Variants in DOCK3 observed in about 807,000 individuals in gnomAD.
The protein encoded by DOCK3 is dedicator of cytokinesis 3.
In DOCK3, 60 loss-of-function variants were observed where a neutral mutation model predicts 265.6. The observed-to-expected ratio is 0.23, with a 90% confidence interval of 0.18 to 0.28. DOCK3 has a LOEUF of 0.28. DOCK3 is among the 10% of genes least tolerant of loss of function. The pLI is 1.00. For missense variants in DOCK3, 1,981 were observed against 2,594.3 expected (o/e 0.76, Z 5.14); for synonymous variants, 881 against 938.0 (o/e 0.94, Z 1.11).
At chr3:51,061,372 C>T (rs188378161) in intron 5 of DOCK3, among the ~76,000 whole-genome samples, 2 of 152,218 alleles carry the variant, frequency 1.3e-5, no homozygotes, top group Admixed American at 6.5e-5. Context: ...CCATTGAATA[C>T]AATGCAGCCA....
chr3:51,346,306 CAGGCCCTG>C (rs2085567528), intron 38 of DOCK3, among the ~76,000 whole-genome samples: 1 of 150,184 alleles, frequency 6.7e-6, no homozygotes. Context: ...CACCCCACGA[CAGGCCCTG>C]GTGTGTGATG....
chr3:50,736,099 G>T (rs936289103), intron 1 of DOCK3, among the ~76,000 whole-genome samples: 6 of 152,014 alleles, frequency 3.9e-5, no homozygotes, highest in African/African-American at 1.4e-4. Flanking sequence ...CCTTTCCTGT[G>T]TCCAAGTGTT....
intron 5 of DOCK3, among the ~76,000 whole-genome samples, chr3:50,982,105 TC>T (rs1457989978): frequency 6.6e-6 from 1 of 152,154 alleles, no homozygotes; most frequent in African/African-American, 2.4e-5. Context: ...TGCCTCTGCC[TC>T]CCAAAGTGCT....
chr3:50,782,322 G>T (rs1172874501), intron 2 of DOCK3, among the ~76,000 whole-genome samples: 1 of 115,482 alleles, frequency 8.7e-6, no homozygotes, highest in African/African-American at 3.4e-5. Flanking sequence ...ACGGAGTCTC[G>T]CTCTGTCGCC....
chr3:51,379,786 A>T (rs1302903207), intron 51 of DOCK3, among the ~76,000 whole-genome samples: 1 of 152,248 alleles, frequency 6.6e-6, no homozygotes, highest in Non-Finnish European at 1.5e-5. Context: ...CATCCCAACC[A>T]GAAGGCTGAA....
At position 51,230,368 on chromosome 3, in the gene DOCK3, G is replaced by A. The variant is rs191575179; in HGVS notation, c.1917+759G>A. Among the ~76,000 whole-genome samples the A allele has an allele frequency of 7.2e-5, 11 of 152,250 alleles. No homozygotes were observed. In the East Asian group the frequency reaches 2.1e-3, roughly 29 times the overall value. On this transcript the variant is annotated intron_variant, in intron 19 of 52. Coordinates refer to ENST00000266037, the MANE Select transcript of DOCK3 (RefSeq NM_004947.5). ...TCCCAGTTACAAGTGAGAACATGCA[G>A]TATTTGGTTTTTCTGTTCTTGCTAG...
At chr3:51,090,004 T>C (rs1383464399) in intron 8 of DOCK3, among the ~76,000 whole-genome samples, 1 of 151,922 alleles carries the variant, frequency 6.6e-6, no homozygotes, top group Non-Finnish European at 1.5e-5. Context: ...TTGGAATTAC[T>C]GTCCCTATAT....
intron 1 of DOCK3, among the ~76,000 whole-genome samples, chr3:50,755,767 A>G (rs551958491): frequency 6.6e-6 from 1 of 152,198 alleles, no homozygotes; most frequent in South Asian, 2.1e-4. Flanking sequence ...TATAATATAT[A>G]CTCTTTTGTG....
intron 49 of DOCK3, among the ~76,000 whole-genome samples, chr3:51,364,950 T>A (rs1381534718): frequency 6.6e-6 from 1 of 152,254 alleles, no homozygotes; most frequent in Non-Finnish European, 1.5e-5. Context: ...TGCTTAGGAT[T>A]GTCTTGGCAA....
chr3:51,057,595 G>A (rs1265461768), intron 5 of DOCK3, among the ~76,000 whole-genome samples: 1 of 152,164 alleles, frequency 6.6e-6, no homozygotes, highest in Non-Finnish European at 1.5e-5. Context: ...CTGTTTTGTG[G>A]CATCAGATCA....
chr3:51,267,518 G>A (rs745946288), intron 23 of DOCK3, among the ~76,000 whole-genome samples: 15 of 151,550 alleles, frequency 9.9e-5, no homozygotes, highest in Admixed American at 2.6e-4. Flanking sequence ...CTGACTAGCT[G>A]GGATTACAGG....
In DOCK3 at chr3:51,275,134, G is replaced by A. The variant is rs757003675; in HGVS notation, c.2604G>A (p.Arg868=). Residue 868 remains arginine (R), a synonymous_variant, in exon 25 of 53, where the codon AGG becomes AGA. Coordinates refer to ENST00000266037, the MANE Select transcript of DOCK3 (RefSeq NM_004947.5). The part of the protein sequence containing the change: ...VVLHHIHLHL[R]QQKELLICSG... ...TCCATCACATTCACCTTCACCTGAG[G>A]CAGCAGAAAGAGCTGCTAATTTGCT... The A allele has an allele frequency of 6.2e-6, 10 of 1,613,836 alleles. No homozygotes were observed. Among genetic ancestry groups the A allele is most frequent in the Admixed American group, 5.0e-5 (3 of 59,996 alleles).
chr3:50,695,827 T>C (rs1036623767), intron 1 of DOCK3, among the ~76,000 whole-genome samples: 2 of 152,120 alleles, frequency 1.3e-5, no homozygotes, highest in Non-Finnish European at 2.9e-5. Flanking sequence ...TGAATTCAAT[T>C]TAAAAGACTG....
At chr3:50,878,754 T>C (rs2047857703) in intron 3 of DOCK3, among the ~76,000 whole-genome samples, 1 of 152,052 alleles carries the variant, frequency 6.6e-6, no homozygotes, top group South Asian at 2.1e-4. Context: ...CAGGCCAACA[T>C]TCAAATTCAG....
intron 22 of DOCK3, among the ~76,000 whole-genome samples, chr3:51,253,136 C>T (rs1266876900): frequency 6.6e-6 from 1 of 152,068 alleles, no homozygotes; most frequent in Non-Finnish European, 1.5e-5. Flanking sequence ...GGTTTTTTGT[C>T]TTTGGTTCTG....
intron 5 of DOCK3, among the ~76,000 whole-genome samples, chr3:51,057,490 C>A (rs1004966852): frequency 6.6e-6 from 1 of 152,202 alleles, no homozygotes; most frequent in African/African-American, 2.4e-5. Context: ...GAAAACAAAA[C>A]CTGTAGTGCC....
intron 1 of DOCK3, among the ~76,000 whole-genome samples, chr3:50,744,775 C>T (rs73072496): frequency 0.023 from 3,426 of 152,210 alleles, 55 homozygotes; most frequent in Non-Finnish European, 0.036. Context: ...AAAGGTCCAA[C>T]CTCATTGTTT....
intron 3 of DOCK3, among the ~76,000 whole-genome samples, chr3:50,867,843 A>G (rs577798512): frequency 6.6e-6 from 1 of 152,002 alleles, no homozygotes; most frequent in East Asian, 1.9e-4. Flanking sequence ...TTTGTTGAGG[A>G]TGTTTGCATC....
chr3:50,938,722 A>G (rs2108218240), intron 5 of DOCK3, among the ~76,000 whole-genome samples: 1 of 152,138 alleles, frequency 6.6e-6, no homozygotes, highest in Non-Finnish European at 1.5e-5. Flanking sequence ...ATGAAAATAT[A>G]TTAAAATTTG....
Sources: allele counts gnomAD v4.1 joint callset (sites outside exome capture counted in the v4.1 genomes callset), GRCh38; gene constraint gnomAD v4.1.1; transcripts MANE v1.5; gene names NCBI Gene and HGNC (gene_info 2026-07-23, HGNC 2026-07-21).